Variants in ASIC2 observed in about 807,000 individuals in gnomAD.
The protein encoded by ASIC2 is acid-sensing ion channel 2.
ASIC2 carries 25 observed loss-of-function variants against 57.3 expected under a neutral mutation model. That is an observed-to-expected ratio of 0.44 (90% CI 0.32 to 0.61). The LOEUF is 0.61. ASIC2 is among the 20% of genes least tolerant of loss of function. The pLI is 0.06. For missense variants in ASIC2, 641 were observed against 738.1 expected, an observed-to-expected ratio of 0.87 and a Z score of 1.52; for synonymous variants, 319 against 307.5, an observed-to-expected ratio of 1.04 and a Z score of -0.39.
At chr17:33,923,738 G>T (rs1368311071) in intron 1 of ASIC2, among the ~76,000 whole-genome samples, 1 of 152,202 alleles carries the variant, frequency 6.6e-6, no homozygotes. Flanking sequence ...TCAAACAGGT[G>T]TAAAAATGCT....
chr17:33,270,882 T>C (rs116778913), intron 1 of ASIC2, among the ~76,000 whole-genome samples: 35 of 152,336 alleles, frequency 2.3e-4, no homozygotes, highest in African/African-American at 7.2e-4. Flanking sequence ...CTAAGCACTT[T>C]AAAGACAACA....
At chr17:33,098,838 A>C (rs919359983) in intron 2 of ASIC2, among the ~76,000 whole-genome samples, 1 of 152,134 alleles carries the variant, frequency 6.6e-6, no homozygotes, top group Non-Finnish European at 1.5e-5. Context: ...TTCAAATCCT[A>C]TTCTACTACT....
Position 33,419,985 on chromosome 17 carries a change from T to A in ASIC2, c.556-307918A>T, listed in dbSNP as rs114293489. On this transcript the variant is annotated intron_variant, in intron 1 of 9. Coordinates refer to the ASIC2 transcript ENST00000359872. The stretch of plus-strand genomic sequence containing the variant: ...TCTGGAAGGATACTCATAAAACTGG[T>A]AATACTGTTTACCTTAAGTTGGGAG... Among the ~76,000 whole-genome samples, 1,327 of 152,308 alleles carry A rather than the reference T, an allele frequency of 8.7e-3. 19 individuals are homozygous for A. Among genetic ancestry groups the A allele is most frequent in the African/African-American group, 0.03 (1,253 of 41,560 alleles).
At chr17:33,090,822 G>T (rs2092154791) in intron 2 of ASIC2, among the ~76,000 whole-genome samples, 2 of 152,140 alleles carry the variant, frequency 1.3e-5, no homozygotes, top group Admixed American at 1.3e-4. Flanking sequence ...GGAAAGAAAG[G>T]GCTAGCAGGC....
chr17:33,216,410 A>C (rs1907490815), intron 1 of ASIC2, among the ~76,000 whole-genome samples: 1 of 152,146 alleles, frequency 6.6e-6, no homozygotes, highest in Non-Finnish European at 1.5e-5. Flanking sequence ...GGGGAGAGAA[A>C]CCAATCAACT....
At chr17:33,984,772 T>A (rs1411974580) in intron 1 of ASIC2, among the ~76,000 whole-genome samples, 1 of 152,150 alleles carries the variant, frequency 6.6e-6, no homozygotes, top group East Asian at 1.9e-4. Flanking sequence ...CTTGACACTA[T>A]AGCTGTTGCT....
At chr17:33,795,311 A>G (rs1042299648) in intron 1 of ASIC2, among the ~76,000 whole-genome samples, 3 of 152,224 alleles carry the variant, frequency 2.0e-5, no homozygotes, top group African/African-American at 7.2e-5. Flanking sequence ...GATTAGGAAC[A>G]TCTTTGAAAA....
Position 33,746,612 on chromosome 17 carries a change from C to G in ASIC2, c.555+409366G>C, listed in dbSNP as rs1035766028. Among the ~76,000 whole-genome samples the G allele has an allele frequency of 3.3e-5, 5 of 151,748 alleles. No individual in the cohort carries two copies. In the South Asian group the frequency reaches 6.2e-4, roughly 19 times the overall value. Reference sequence around the variant, plus strand: ...TGACCACATTGAAGGGAGAAATAGACAGCTGAACAATAATGGTTAGAGGCT... The same window carrying G: ...TGACCACATTGAAGGGAGAAATAGAGAGCTGAACAATAATGGTTAGAGGCT... On this transcript the variant is annotated intron_variant, in intron 1 of 9. Coordinates refer to the ASIC2 transcript ENST00000359872.
At chr17:33,613,645 G>T (rs1219281242) in intron 1 of ASIC2, among the ~76,000 whole-genome samples, 1 of 152,116 alleles carries the variant, frequency 6.6e-6, no homozygotes, top group African/African-American at 2.4e-5. Context: ...GGGATTACAG[G>T]CGTGAGCCAC....
At chr17:34,127,209 T>C (rs933699001) in intron 1 of ASIC2, among the ~76,000 whole-genome samples, 2 of 152,204 alleles carry the variant, frequency 1.3e-5, no homozygotes, top group Admixed American at 1.3e-4. Flanking sequence ...GGAGGCAGTA[T>C]GAGCATCGGG....
At chr17:33,431,430 C>G (rs1039404267) in intron 1 of ASIC2, among the ~76,000 whole-genome samples, 1 of 152,050 alleles carries the variant, frequency 6.6e-6, no homozygotes. Context: ...ATGATGAAAC[C>G]CTGTCTCTAC....
intron 1 of ASIC2, among the ~76,000 whole-genome samples, chr17:33,519,433 T>C (rs1247243745): frequency 1.3e-5 from 2 of 152,162 alleles, no homozygotes; most frequent in Non-Finnish European, 2.9e-5. Flanking sequence ...TTTGACGAGC[T>C]ATGACCCCCG....
At chr17:33,832,373 A>G (rs1363660124) in intron 1 of ASIC2, among the ~76,000 whole-genome samples, 2 of 152,256 alleles carry the variant, frequency 1.3e-5, no homozygotes, top group Non-Finnish European at 2.9e-5. Context: ...GCACTAAATC[A>G]TTAACAGCAG....
chr17:33,363,965 C>T (rs1250092598), intron 1 of ASIC2, among the ~76,000 whole-genome samples: 1 of 152,204 alleles, frequency 6.6e-6, no homozygotes, highest in East Asian at 1.9e-4. Flanking sequence ...TGCTAGTCTT[C>T]TTTCCTCACT....
intron 1 of ASIC2, among the ~76,000 whole-genome samples, chr17:33,590,611 C>CACACCCCAGTCTCTACACT: frequency 6.7e-6 from 1 of 150,112 alleles, no homozygotes; most frequent in South Asian, 2.1e-4. Flanking sequence ...GTCTCTACAC[C>CACACCCCAGTCTCTACACT]ACACCCCAGT....
At chr17:33,091,647 G>A (rs1027880544) in intron 2 of ASIC2, among the ~76,000 whole-genome samples, 2 of 152,202 alleles carry the variant, frequency 1.3e-5, no homozygotes, top group South Asian at 2.1e-4. Flanking sequence ...AACTGGGTTC[G>A]GATTTGGAAG....
rs16968734 is a variant in ASIC2 at position 33,674,287 on chromosome 17, G to T, written c.555+481691C>A. Among the ~76,000 whole-genome samples the T allele has an allele frequency of 3.9e-5, 6 of 152,038 alleles. No individual in the cohort carries two copies. The East Asian group carries it at 7.7e-4, about 20-fold the overall frequency. On this transcript the variant is annotated intron_variant, in intron 1 of 9. Transcript: ENST00000359872. ...GGGGAGTCCCCTCCTCTTTCCCAGC[G>T]TATTACAGTTCCTTTGCAATGATTT... is the stretch of plus-strand genomic sequence containing the variant.
chr17:33,841,936 C>A (rs996010034), intron 1 of ASIC2, among the ~76,000 whole-genome samples: 3 of 152,008 alleles, frequency 2.0e-5, no homozygotes, highest in African/African-American at 4.8e-5. Context: ...GCCTTATATA[C>A]GGAGAATGTC....
intron 1 of ASIC2, among the ~76,000 whole-genome samples, chr17:33,967,252 G>C (rs572409880): frequency 6.6e-6 from 1 of 151,968 alleles, no homozygotes; most frequent in East Asian, 1.9e-4. Context: ...TTTTCTGAGA[G>C]AGAGAGAGGG....
Sources: allele counts gnomAD v4.1 joint callset (sites outside exome capture counted in the v4.1 genomes callset), GRCh38; gene constraint gnomAD v4.1.1; transcripts MANE v1.5; gene names NCBI Gene and HGNC (gene_info 2026-07-23, HGNC 2026-07-21).